Variants in SLC25A21 observed in about 807,000 individuals in gnomAD.
SLC25A21 encodes the protein mitochondrial 2-oxodicarboxylate carrier.
Under a neutral mutation model 43.8 loss-of-function variants are expected in SLC25A21, and 47 were observed. That is an observed-to-expected ratio of 1.07 (90% CI 0.85 to 1.37). The LOEUF (loss-of-function observed/expected upper bound fraction) is 1.37, where lower values mean the gene tolerates loss of function less well. Among genes scored for constraint, SLC25A21 ranks in the 40% most tolerant of loss-of-function variants. The probability of loss-of-function intolerance (pLI) is 0.00; values close to 1 mark genes in which losing one functional copy is unlikely to be tolerated. For missense variants in SLC25A21, 352 were observed against 350.2 expected, an observed-to-expected ratio of 1.00 and a Z score of -0.04; for synonymous variants, 131 against 121.3, an observed-to-expected ratio of 1.08 and a Z score of -0.52.
intron 1 of SLC25A21, among the ~76,000 whole-genome samples, chr14:37,086,990 T>C (rs1962498493): frequency 6.6e-6 from 1 of 152,236 alleles, no homozygotes; most frequent in Non-Finnish European, 1.5e-5. Flanking sequence ...GGGTAAAATT[T>C]GTGCAGAAGC....
intron 2 of SLC25A21, among the ~76,000 whole-genome samples, chr14:36,816,045 C>T (rs1312975353): frequency 1.3e-5 from 2 of 152,158 alleles, no homozygotes; most frequent in South Asian, 2.1e-4. Context: ...CAAACTGACA[C>T]ATATCAGACA....
At chr14:36,806,603 G>A (rs910642756) in intron 3 of SLC25A21, among the ~76,000 whole-genome samples, 4 of 152,112 alleles carry the variant, frequency 2.6e-5, no homozygotes, top group Admixed American at 1.3e-4. Flanking sequence ...ATAGTAGTAT[G>A]TCCATGCCTG....
At chr14:37,119,856 C>T (rs1963174729) in intron 1 of SLC25A21, among the ~76,000 whole-genome samples, 1 of 152,094 alleles carries the variant, frequency 6.6e-6, no homozygotes. Context: ...AAAGATCTTA[C>T]TGTACACTGT....
At chr14:36,904,621 G>C (rs1891485286) in intron 1 of SLC25A21, among the ~76,000 whole-genome samples, 1 of 152,166 alleles carries the variant, frequency 6.6e-6, no homozygotes, top group Admixed American at 6.5e-5. Context: ...GTTCCACATG[G>C]CTGGGGAGGC....
chr14:36,731,546 T>G (rs2139223422), intron 4 of SLC25A21, among the ~76,000 whole-genome samples: 1 of 152,346 alleles, frequency 6.6e-6, no homozygotes, highest in South Asian at 2.1e-4. Flanking sequence ...TAACTTAGGT[T>G]ACCAAAGGAA....
At chr14:36,840,360 T>A (rs953409885) in intron 2 of SLC25A21, among the ~76,000 whole-genome samples, 3 of 152,208 alleles carry the variant, frequency 2.0e-5, no homozygotes, top group Non-Finnish European at 4.4e-5. Context: ...ACCACAAATA[T>A]ATTTGTCCTT....
chr14:36,985,250 G>A (rs12883157), intron 1 of SLC25A21, among the ~76,000 whole-genome samples: 1,609 of 150,654 alleles, frequency 0.011, 16 homozygotes, highest in Non-Finnish European at 0.014. Flanking sequence ...TGGGTGCAGC[G>A]CACCAGCATG....
chr14:36,911,727 C>T (rs1014309618), intron 1 of SLC25A21, among the ~76,000 whole-genome samples: 1 of 152,128 alleles, frequency 6.6e-6, no homozygotes, highest in Admixed American at 6.5e-5. Context: ...CTGATTGTAA[C>T]TGCATGAAAC....
At chr14:36,830,074 T>C (rs1378865678) in intron 2 of SLC25A21, among the ~76,000 whole-genome samples, 2 of 152,128 alleles carry the variant, frequency 1.3e-5, no homozygotes, top group Non-Finnish European at 2.9e-5. Context: ...AAAATGTTTG[T>C]AAAAACAATA....
In SLC25A21 at chr14:36,679,241, T is replaced by C; in HGVS notation, c.*1417A>G. ...TTTTATTGAATATTGGACTGAAATA[T>C]AAATTTTAAAAAACACGTTGGAAAG... On this transcript the variant is annotated 3_prime_UTR_variant, in exon 10 of 10. Transcript: ENST00000331299. 1.0e-6 allele frequency: 1 copy of C among 984,388 alleles called. No homozygotes were observed. The highest frequency in any genetic ancestry group is 1.2e-6 in the Non-Finnish European group (1 of 828,990). 61.0% of individuals were successfully genotyped at this position (984,388 alleles called of 1,614,324 possible).
At chr14:37,097,909 ATAGATGGATGGATATATAGATAGGTAGC>A (rs1962733191) in intron 1 of SLC25A21, 1 of 152,076 alleles carries the variant, frequency 6.6e-6, no homozygotes, top group South Asian at 2.1e-4. Flanking sequence ...TAATCAATCA[ATAGATGGATGGATATATAGATAGGTAGC>A]TATAGAGAAG....
Position 37,033,694 on chromosome 14 carries a change from G to A in SLC25A21, c.70+138587C>T, listed in dbSNP as rs1197846152. On this transcript the variant is annotated intron_variant, in intron 1 of 9. Transcript: ENST00000331299. The stretch of plus-strand genomic sequence containing the variant: ...GATATTTATTCAAAGGATATTGATG[G>A]ATATGAATATATTTTTATTCCCTCA... Among the ~76,000 whole-genome samples the A allele has an allele frequency of 2.0e-5, 3 of 152,138 alleles. No homozygotes were observed. The South Asian group carries it at 6.2e-4, about 32-fold the overall frequency.
At chr14:36,837,456 A>G (rs571132628) in intron 2 of SLC25A21, among the ~76,000 whole-genome samples, 1 of 152,234 alleles carries the variant, frequency 6.6e-6, no homozygotes, top group African/African-American at 2.4e-5. Flanking sequence ...TCGCTTTGCC[A>G]ATACAGAGCA....
chr14:37,075,278 T>C (rs1233110005), intron 1 of SLC25A21, among the ~76,000 whole-genome samples: 1 of 152,178 alleles, frequency 6.6e-6, no homozygotes, highest in Non-Finnish European at 1.5e-5. Context: ...TCCCTTGCTC[T>C]AGATTTTACT....
At chr14:37,071,421 T>C (rs1333372444) in intron 1 of SLC25A21, among the ~76,000 whole-genome samples, 1 of 152,182 alleles carries the variant, frequency 6.6e-6, no homozygotes, top group Admixed American at 6.5e-5. Flanking sequence ...AATGAGTTTA[T>C]AGAAAAGAAG....
At chr14:36,764,933 G>C (rs17105237) in intron 3 of SLC25A21, among the ~76,000 whole-genome samples, 26,152 of 152,190 alleles carry the variant, frequency 0.17, 2,711 homozygotes, top group East Asian at 0.38. Flanking sequence ...ACAAGATTAC[G>C]GGCCATCTTG....
At chr14:36,805,630 C>T (rs1441403417) in intron 3 of SLC25A21, among the ~76,000 whole-genome samples, 2 of 152,192 alleles carry the variant, frequency 1.3e-5, no homozygotes, top group Admixed American at 6.5e-5. Context: ...GGTCCAACTG[C>T]CTGTTGTTTT....
At chr14:36,953,174 A>C (rs1892856493) in intron 1 of SLC25A21, among the ~76,000 whole-genome samples, 1 of 152,206 alleles carries the variant, frequency 6.6e-6, no homozygotes, top group South Asian at 2.1e-4. Flanking sequence ...CTAATCAGCA[A>C]TGTGCTTGAA....
intron 2 of SLC25A21, among the ~76,000 whole-genome samples, chr14:36,861,886 A>G (rs1317156638): frequency 1.3e-5 from 2 of 152,208 alleles, no homozygotes; most frequent in Non-Finnish European, 2.9e-5. Context: ...AAAAAGAGCT[A>G]ACATACAGAA....
Sources: allele counts gnomAD v4.1 joint callset (sites outside exome capture counted in the v4.1 genomes callset), GRCh38; gene constraint gnomAD v4.1.1; transcripts MANE v1.5; gene names NCBI Gene and HGNC (gene_info 2026-07-23, HGNC 2026-07-21).